The following IMMP2L variants were observed in gnomAD, a reference collection of about 807,000 sequenced individuals.
The protein encoded by IMMP2L is inner mitochondrial membrane peptidase subunit 2.
Under a neutral mutation model 19.3 loss-of-function variants are expected in IMMP2L, and 18 were observed. The ratio of observed to expected loss-of-function variants is 0.93; its 90% confidence interval spans 0.64 to 1.38. The LOEUF is 1.38. Among genes scored for constraint, IMMP2L ranks in the 40% most tolerant of loss-of-function variants. The probability of loss-of-function intolerance (pLI) is 0.00; values close to 1 mark genes in which losing one functional copy is unlikely to be tolerated. For synonymous variants in IMMP2L, 76 were observed against 73.0 expected (o/e 1.04, Z -0.21); for missense variants, 233 against 218.2 (o/e 1.07, Z -0.43).
At chr7:110,735,846 C>CA (rs59078426) in intron 5 of IMMP2L, among the ~76,000 whole-genome samples, 5,876 of 47,312 alleles carry the variant, frequency 0.12, 622 homozygotes, top group African/African-American at 0.26. Flanking sequence ...CACTCTGCCT[C>CA]AAAAAAAAAA....
intron 5 of IMMP2L, among the ~76,000 whole-genome samples, chr7:110,745,649 C>T (rs921897563): frequency 2.0e-5 from 3 of 152,124 alleles, no homozygotes; most frequent in African/African-American, 7.2e-5. Context: ...TCCAGCCAAA[C>T]TAAGCTTCAT....
chr7:111,494,222 A>G (rs1843385719), intron 2 of IMMP2L, among the ~76,000 whole-genome samples: 1 of 152,176 alleles, frequency 6.6e-6, no homozygotes, highest in Non-Finnish European at 1.5e-5. Context: ...TTAATCTAGG[A>G]GTTTCCACCT....
chr7:110,683,968 C>G (rs1365309937), intron 5 of IMMP2L, among the ~76,000 whole-genome samples: 1 of 152,084 alleles, frequency 6.6e-6, no homozygotes, highest in Non-Finnish European at 1.5e-5. Context: ...AAGGCCATGG[C>G]TGGGATGCTT....
chr7:111,253,269 A>G (rs1469786513), intron 3 of IMMP2L, among the ~76,000 whole-genome samples: 3 of 152,188 alleles, frequency 2.0e-5, no homozygotes, highest in African/African-American at 7.2e-5. Context: ...AAAAATGTCC[A>G]TAATGGCTAT....
At chr7:111,470,872 T>G (rs1294197345) in intron 3 of IMMP2L, among the ~76,000 whole-genome samples, 2 of 150,076 alleles carry the variant, frequency 1.3e-5, no homozygotes, top group Non-Finnish European at 3.0e-5. Flanking sequence ...ACTTAAAGTA[T>G]AATAATAATA....
At chr7:111,044,086 A>T (rs1563188302) in intron 3 of IMMP2L, among the ~76,000 whole-genome samples, 1 of 152,240 alleles carries the variant, frequency 6.6e-6, no homozygotes, top group Non-Finnish European at 1.5e-5. Flanking sequence ...AACCATTTTC[A>T]GTACAGTGAA....
At chr7:110,873,812 GA>G (rs1259277388) in intron 5 of IMMP2L, among the ~76,000 whole-genome samples, 2 of 151,448 alleles carry the variant, frequency 1.3e-5, no homozygotes, top group Non-Finnish European at 2.9e-5. Context: ...ACATTTGCAA[GA>G]GGTGATATTC....
chr7:110,935,775 A>G (rs2129552310), intron 4 of IMMP2L, among the ~76,000 whole-genome samples: 1 of 152,332 alleles, frequency 6.6e-6, no homozygotes, highest in African/African-American at 2.4e-5. Flanking sequence ...AGCTGGAAGC[A>G]TCATGCTACC....
Position 110,792,097 on chromosome 7 carries a change from A to AT in IMMP2L, c.408+94495dup, listed in dbSNP as rs1465331129. Among the ~76,000 whole-genome samples the AT allele has an allele frequency of 1.1e-4, 17 of 151,788 alleles. 1 individual carries two copies. Among genetic ancestry groups the AT allele is most frequent in the African/African-American group, 3.9e-4 (16 of 41,182 alleles). The stretch of plus-strand genomic sequence containing the variant: ...TCTACCTATCATCTATGTACACTTC[A>AT]TTTTTTCATTATTCCTTATATACAT... On this transcript the variant is annotated intron_variant, in intron 5 of 5. Transcript: ENST00000405709.
intron 3 of IMMP2L, among the ~76,000 whole-genome samples, chr7:111,058,095 A>G (rs1313088644): frequency 6.6e-6 from 1 of 152,218 alleles, no homozygotes; most frequent in Non-Finnish European, 1.5e-5. Flanking sequence ...ATTAAAAATT[A>G]TAATGCCTTA....
At chr7:110,700,739 T>A (rs1457467369) in intron 5 of IMMP2L, among the ~76,000 whole-genome samples, 1 of 152,206 alleles carries the variant, frequency 6.6e-6, no homozygotes, top group Non-Finnish European at 1.5e-5. Flanking sequence ...CCTTCAATTT[T>A]GCCTTTCTTA....
intron 5 of IMMP2L, among the ~76,000 whole-genome samples, chr7:110,768,620 G>C (rs934004615): frequency 1.1e-4 from 17 of 152,064 alleles, no homozygotes; most frequent in African/African-American, 4.1e-4. Flanking sequence ...CTTCAGCTTG[G>C]AATATCTTCA....
chr7:111,234,916 T>C (rs970283621), intron 3 of IMMP2L, among the ~76,000 whole-genome samples: 5 of 152,132 alleles, frequency 3.3e-5, no homozygotes, highest in Non-Finnish European at 5.9e-5. Context: ...AAGTCCACAA[T>C]ATATTTTTAT....
chr7:110,998,780 G>T (rs1318077638), intron 3 of IMMP2L, among the ~76,000 whole-genome samples: 1 of 152,088 alleles, frequency 6.6e-6, no homozygotes, highest in African/African-American at 2.4e-5. Context: ...TAGAAAACGG[G>T]CACAGTGTAA....
At chr7:111,438,547 T>G (rs1267454035) in intron 3 of IMMP2L, among the ~76,000 whole-genome samples, 1 of 151,874 alleles carries the variant, frequency 6.6e-6, no homozygotes, top group Non-Finnish European at 1.5e-5. Context: ...TCCTGGGAAA[T>G]TTAATTCAAG....
chr7:111,335,071 C>T lies in IMMP2L; in HGVS notation c.239+152167G>A, dbSNP rs75963398. Among the ~76,000 whole-genome samples the T allele has an allele frequency of 8.7e-3, 1,331 of 152,118 alleles. 22 individuals are homozygous for T. Among genetic ancestry groups the T allele is most frequent in the African/African-American group, 0.03 (1,259 of 41,496 alleles). ...AAGTCCCATAAGCTCAGCTGAGATT[C>T]ACACTTACCGATGCTCTTCTGGAAT... On this transcript the variant is annotated intron_variant, in intron 3 of 5. Transcript: ENST00000405709.
intron 3 of IMMP2L, among the ~76,000 whole-genome samples, chr7:111,381,975 T>C (rs37666): frequency 0.22 from 33,740 of 151,832 alleles, 5,539 homozygotes; most frequent in African/African-American, 0.45. Flanking sequence ...GTATGAAGTG[T>C]GTGTAGGTTA....
intron 3 of IMMP2L, among the ~76,000 whole-genome samples, chr7:111,463,509 G>A (rs181050314): frequency 5.9e-5 from 9 of 152,224 alleles, no homozygotes; most frequent in Admixed American, 2.6e-4. Flanking sequence ...ACAGAAGAGA[G>A]AAGGGAGGGT....
chr7:111,091,033 C>T (rs1022573152), intron 3 of IMMP2L: 1 of 152,216 alleles, frequency 6.6e-6, no homozygotes, highest in African/African-American at 2.4e-5. Flanking sequence ...GGAGCAGCTG[C>T]GAGTGCTACA....
Sources: gnomAD v4.1 joint callset for allele counts (sites outside exome capture counted in the v4.1 genomes callset) on GRCh38, gnomAD v4.1.1 for gene constraint, MANE v1.5 for transcripts, NCBI Gene and HGNC (gene_info 2026-07-23, HGNC 2026-07-21) for gene names.